The following MX2 variants were observed in gnomAD, a reference collection of about 807,000 sequenced individuals.
MX2 encodes the protein MX dynamin like GTPase 2, also known as interferon-induced GTP-binding protein Mx2.
MX2 carries 51 observed loss-of-function variants against 74.0 expected under a neutral mutation model. The observed-to-expected ratio is 0.69, with a 90% CI of 0.55 to 0.87. The LOEUF is 0.87. Among genes scored for constraint, MX2 ranks in the 40% least tolerant of loss-of-function variants. The probability of loss-of-function intolerance (pLI) is 0.00; values close to 1 mark genes in which losing one functional copy is unlikely to be tolerated. For missense variants in MX2, 832 were observed against 908.7 expected, an observed-to-expected ratio of 0.92 and a Z score of 1.09; for synonymous variants, 369 against 339.3, an observed-to-expected ratio of 1.09 and a Z score of -0.96.
At chr21:41,401,772 A>G (rs1321633242) in intron 10 of MX2, 198 bp from the exon 11 acceptor site, 1 of 523,274 alleles carries the variant, frequency 1.9e-6, no homozygotes. Flanking sequence ...ATAGAATAAG[A>G]TTTTTTTCCC....
In MX2 at chr21:41,374,658, A is replaced by G. The variant is rs756493767; in HGVS notation, c.-71-2178A>G. Among the ~76,000 whole-genome samples the G allele has an allele frequency of 3.2e-3, 151 of 47,882 alleles. 1 individual carries two copies. The highest frequency in any genetic ancestry group is 0.011 in the Non-Finnish European group (125 of 11,692). 31.4% of individuals were successfully genotyped at this position (47,882 alleles called of 152,430 possible). ...TAGCTTCCCACTTCTCCAGGCTGCCATGCTGAAAGCCGGCAGGTGTCGCAG... is the reference window on the plus strand; with the variant it reads ...TAGCTTCCCACTTCTCCAGGCTGCCGTGCTGAAAGCCGGCAGGTGTCGCAG... On this transcript the variant is annotated intron_variant, in intron 1 of 13. Transcript: ENST00000330714.
In MX2 at chr21:41,382,338, A is replaced by G. The variant is rs1259171964; in HGVS notation, c.578-72A>G. 4.6e-6 allele frequency: 7 copies of G among 1,527,800 alleles called. No homozygotes were observed. The South Asian group carries it at 6.0e-5, about 13-fold the overall frequency. The allele number at this position is 1,527,800 out of a possible 1,614,324, so 94.6% of individuals were successfully genotyped here. ...CATACCCTGGAAAGGAGCAGTCATT[A>G]CCTTCAGGAACTGCTTCCTCACAGG... is the stretch of plus-strand genomic sequence containing the variant. On this transcript the variant is annotated intron_variant, in intron 4 of 13. Transcript: ENST00000330714.
Position 41,380,298 on chromosome 21 carries a change from C to A in MX2, c.577+147C>A. 9.3e-7 allele frequency: 1 copy of A among 1,079,956 alleles called. No individual in the cohort carries two copies. Among genetic ancestry groups the A allele is most frequent in the Non-Finnish European group, 1.3e-6 (1 of 757,088 alleles). 66.9% of individuals were successfully genotyped at this position (1,079,956 alleles called of 1,614,324 possible). Reference sequence around the variant, plus strand: ...CACATGGGGCTGAACCCATTGCTGTCACCTCCACCATCCCTCCAGGTCCTT... The same window carrying A: ...CACATGGGGCTGAACCCATTGCTGTAACCTCCACCATCCCTCCAGGTCCTT... On this transcript the variant is annotated intron_variant, in intron 4 of 13. Coordinates refer to ENST00000330714, the MANE Select transcript of MX2 (RefSeq NM_002463.2). This position sits in a 1 kb window ranked among gnomAD's most constrained non-coding sequence, Gnocchi z 4.3.
At chr21:41,405,586 C>T (rs749335433) in intron 12 of MX2, among the ~76,000 whole-genome samples, 23 of 152,060 alleles carry the variant, frequency 1.5e-4, no homozygotes, top group Non-Finnish European at 2.9e-4. Flanking sequence ...TTCCCAATAC[C>T]ATTACCTTCC....
intron 5 of MX2, among the ~76,000 whole-genome samples, chr21:41,385,837 T>C (rs2089564670): frequency 1.3e-5 from 2 of 152,098 alleles, no homozygotes; most frequent in African/African-American, 2.4e-5. Flanking sequence ...CCAAAATTGA[T>C]AATCACACAT....
At chr21:41,398,634 C>G (rs1360581234) in intron 8 of MX2, among the ~76,000 whole-genome samples, 1 of 152,180 alleles carries the variant, frequency 6.6e-6, no homozygotes, top group Non-Finnish European at 1.5e-5. Context: ...GAAGCACATA[C>G]TCAAAGAAAA....
In MX2 at chr21:41,408,460, C is replaced by T; in HGVS notation, c.*227C>T. Reference sequence around the variant, plus strand: ...TTCACGAAGGGATGGCTCTCCAGTCCTTGGGTCCCGTAGCACACAGTTACA... The same window carrying T: ...TTCACGAAGGGATGGCTCTCCAGTCTTTGGGTCCCGTAGCACACAGTTACA... On this transcript the variant is annotated 3_prime_UTR_variant, in exon 14 of 14. Transcript: ENST00000330714. 6.8e-6 allele frequency: 4 copies of T among 584,520 alleles called. No homozygotes were observed. Among genetic ancestry groups the T allele is most frequent in the East Asian group, 2.9e-5 (1 of 34,476 alleles). The allele number at this position is 584,520 out of a possible 1,614,324, so 36.2% of individuals were successfully genotyped here. A position where few individuals can be genotyped will look rare whatever the true frequency, so the allele number is the denominator to read the frequency against.
At chr21:41,401,524 C>T (rs192441146) in intron 10 of MX2, 2 of 154,774 alleles carry the variant, frequency 1.3e-5, no homozygotes, top group Admixed American at 6.4e-5. Context: ...AAGGCACATA[C>T]CACCATGCCT....
chr21:41,389,438 T>A (rs1383115806), intron 5 of MX2: 1 of 152,100 alleles, frequency 6.6e-6, no homozygotes, highest in Non-Finnish European at 1.5e-5. Flanking sequence ...GGAAAAACAC[T>A]TGAGTCCAGG....
intron 5 of MX2, 176 bp from the exon 6 acceptor site, chr21:41,390,389 C>T: frequency 1.2e-6 from 1 of 807,770 alleles, no homozygotes; most frequent in Admixed American, 2.3e-5. Context: ...TCATCAGAGA[C>T]CAGGGCAGGG....
At chr21:41,406,561 G>C (rs535149604) in intron 12 of MX2, among the ~76,000 whole-genome samples, 183 bp from the exon 13 acceptor site, 1 of 152,134 alleles carries the variant, frequency 6.6e-6, no homozygotes, top group Non-Finnish European at 1.5e-5. Flanking sequence ...TGAGGAAACC[G>C]GGTTCATAAG....
chr21:41,403,656 A>C (rs780994621), intron 12 of MX2: 1 of 596,252 alleles, frequency 1.7e-6, no homozygotes, highest in Non-Finnish European at 3.3e-6. Flanking sequence ...ATCTTTTTCA[A>C]GCATAAAGCA....
rs1959659444 is a variant in MX2, at chr21:41,366,154, G to C, written c.-72+4099G>C. 1 of 152,222 alleles carries C rather than the reference G, an allele frequency of 6.6e-6. No homozygotes were observed. The highest frequency in any genetic ancestry group is 2.4e-5 in the African/African-American group (1 of 41,446). The allele number at this position is 152,222 out of a possible 1,614,324, so 9.4% of individuals were successfully genotyped here. On this transcript the variant is annotated intron_variant, in intron 1 of 13. Transcript: ENST00000330714. The surrounding 1 kb of genome is among the most constrained non-coding windows in gnomAD (Gnocchi z 4.5). ...CCAAACAACTCAGTAATAGTAGGCT[G>C]GGTGGTGTCCAACAGCTGCCTTCGT...
At position 41,408,404 on chromosome 21, in the gene MX2, G is replaced by C. The variant is rs2145985736; in HGVS notation, c.*171G>C. On this transcript the variant is annotated 3_prime_UTR_variant, in exon 14 of 14. Coordinates refer to ENST00000330714, the MANE Select transcript of MX2 (RefSeq NM_002463.2). Reference sequence around the variant, plus strand: ...TGCATCAGGGGTCCACACAGGCTCAGCTCTCTCCACCACCCAGCTCTTCCC... The same window carrying C: ...TGCATCAGGGGTCCACACAGGCTCACCTCTCTCCACCACCCAGCTCTTCCC... 3 of 890,146 alleles carry C rather than the reference G, an allele frequency of 3.4e-6. No individual in the cohort carries two copies. The East Asian group carries it at 8.0e-5, about 24-fold the overall frequency. The allele number at this position is 890,146 out of a possible 1,614,324, so 55.1% of individuals were successfully genotyped here.
rs1222788620 is a variant in MX2 at position 41,408,217 on chromosome 21, G to A, written c.2132G>A (p.Ser711Asn). ...QARHALCQFS[S>N]KEIH ...CGACACGCACTCTGTCAATTCTCCA[G>A]CAAAGAGATCCACTGAAGGGCGGCG... Residue 711 changes from serine (S) to asparagine (N), a missense_variant, in exon 14 of 14, where the codon AGC (serine) becomes AAC (asparagine). Physicochemically the swap from Ser to Asn is conservative, Grantham distance 46. Transcript: ENST00000330714. The A allele has an allele frequency of 6.2e-7, 1 of 1,614,024 alleles. No individual in the cohort carries two copies. Among genetic ancestry groups the A allele is most frequent in the East Asian group, 2.2e-5 (1 of 44,896 alleles).
At chr21:41,404,918 C>G (rs1340330995) in intron 12 of MX2, 1 of 127,752 alleles carries the variant, frequency 7.8e-6, no homozygotes, top group Non-Finnish European at 1.7e-5. Flanking sequence ...AGAGAAAGAA[C>G]AAACAAACCA....
Position 41,377,020 on chromosome 21 carries a change from A to G in MX2, c.114A>G (p.Thr38=), listed in dbSNP as rs765732262. Reference sequence around the variant, plus strand: ...AGCAACAGCCACCGCCATTCGGCACAGTGCCACCACAAATGATGTTTCCTC... The same window carrying G: ...AGCAACAGCCACCGCCATTCGGCACGGTGCCACCACAAATGATGTTTCCTC... ...SFQQQPPPFG[T]VPPQMMFPPN... The change falls in exon 2 of 14, where the codon ACA becomes ACG. Residue 38 remains threonine, a synonymous_variant. Transcript: ENST00000330714. 1.2e-6 allele frequency: 2 copies of G among 1,614,230 alleles called. No individual in the cohort carries two copies. Among genetic ancestry groups the G allele is most frequent in the East Asian group, 2.2e-5 (1 of 44,882 alleles).
chr21:41,406,879 A>T lies in MX2; in HGVS notation c.1786A>T (p.Ile596Phe), dbSNP rs1021029139. ...TGTTCTGAAGAAAGTCCGAGAAGAG[A>T]TTTTTAACCCTCTGGGGACGCCTTC... ...SVVLKKVREE[I>F]FNPLGTPSQN... The change falls in exon 13 of 14, where the codon ATT (isoleucine) becomes TTT (phenylalanine). Residue 596 changes from isoleucine (I) to phenylalanine (F), a missense_variant. Transcript: ENST00000330714. 1.2e-6 allele frequency: 2 copies of T among 1,614,090 alleles called. No individual in the cohort carries two copies. Among genetic ancestry groups the T allele is most frequent in the African/African-American group, 2.7e-5 (2 of 74,914 alleles).
intron 5 of MX2, among the ~76,000 whole-genome samples, chr21:41,383,382 C>T (rs1257519585): frequency 6.6e-6 from 1 of 152,106 alleles, no homozygotes; most frequent in African/African-American, 2.4e-5. Context: ...ATAAATAAAC[C>T]TGAGGTTGCC....
Sources: allele counts gnomAD v4.1 joint callset (sites outside exome capture counted in the v4.1 genomes callset), GRCh38; gene constraint gnomAD v4.1.1; non-coding constraint Gnocchi (gnomAD v3.1); transcripts MANE v1.5; gene names NCBI Gene and HGNC (gene_info 2026-07-23, HGNC 2026-07-21).